USP48: variants seen among roughly 807,000 people sequenced by gnomAD.
The protein encoded by USP48 is ubiquitin carboxyl-terminal hydrolase 48.
Under a neutral mutation model 150.7 loss-of-function variants are expected in USP48, and 43 were observed. That is an observed-to-expected ratio of 0.29 (90% CI 0.22 to 0.37). USP48 has a LOEUF of 0.37. Among genes scored for constraint, USP48 ranks in the 10% least tolerant of loss-of-function variants. The pLI is 1.00. For missense variants in USP48, 813 were observed against 1,249.6 expected, an observed-to-expected ratio of 0.65 and a Z score of 5.27; for synonymous variants, 396 against 425.9, an observed-to-expected ratio of 0.93 and a Z score of 0.86.
chr1:21,705,270 T>C (rs1557455997), intron 19 of USP48, among the ~76,000 whole-genome samples: 1 of 152,206 alleles, frequency 6.6e-6, no homozygotes, highest in Non-Finnish European at 1.5e-5. Context: ...CTGGAAGTAC[T>C]TGAAGCATGG....
intron 1 of USP48, among the ~76,000 whole-genome samples, chr1:21,778,645 T>C (rs1205233911): frequency 6.9e-6 from 1 of 145,078 alleles, no homozygotes; most frequent in Non-Finnish European, 1.5e-5. Flanking sequence ...CCATGAACAG[T>C]TTCATTCATG....
chr1:21,698,961 T>C (rs2097646178), intron 22 of USP48, among the ~76,000 whole-genome samples: 2 of 152,062 alleles, frequency 1.3e-5, no homozygotes, highest in East Asian at 1.9e-4. Flanking sequence ...AACTAAAACA[T>C]ACGGTACTGC....
Position 21,706,839 on chromosome 1 carries a change from T to G in USP48, c.1993A>C (p.Arg665=), listed in dbSNP as rs1161509267. Residue 665 remains arginine (R), a synonymous_variant, in exon 16 of 27, where the codon AGG becomes CGG. Transcript: ENST00000308271. ...GELCISENER[R]LVSKEAWSKL... is the part of the protein sequence containing the mutation. ...CTCCAAGCCTCTTTAGAAACAAGCC[T>G]TCTTTCATTTTCAGATATGCATAAC... is the stretch of plus-strand genomic sequence containing the variant. 1 of 1,613,478 alleles carries G rather than the reference T, an allele frequency of 6.2e-7. No individual in the cohort carries two copies. Among genetic ancestry groups the G allele is most frequent in the African/African-American group, 1.3e-5 (1 of 74,820 alleles).
At chr1:21,725,274 A>G (rs1284646558) in intron 11 of USP48, among the ~76,000 whole-genome samples, 1 of 152,198 alleles carries the variant, frequency 6.6e-6, no homozygotes, top group Admixed American at 6.5e-5. Flanking sequence ...TGAACAAGTC[A>G]CTTAAACTTT....
rs1188899898 is a variant in USP48 at position 21,697,587 on chromosome 1, C to T, written c.2728-2366G>A. On this transcript the variant is annotated intron_variant, in intron 22 of 26. Transcript: ENST00000308271. ...CTGAGGCAGGAGAATGGCGTGAACC[C>T]GGGAGGCAGAGCTTGCAGTGAGCTG... 4.7e-5 allele frequency among the ~76,000 whole-genome samples: 7 copies of T among 150,034 alleles called. No individual in the cohort carries two copies. The South Asian group carries it at 6.3e-4, about 14-fold the overall frequency.
intron 1 of USP48, among the ~76,000 whole-genome samples, chr1:21,766,557 T>C (rs767427650): frequency 3.3e-5 from 5 of 152,188 alleles, no homozygotes; most frequent in Non-Finnish European, 7.4e-5. Flanking sequence ...GGAAAATTTA[T>C]AATCAAAGAT....
intron 8 of USP48, among the ~76,000 whole-genome samples, chr1:21,743,658 A>C (rs923597842): frequency 6.6e-6 from 1 of 152,192 alleles, no homozygotes; most frequent in Non-Finnish European, 1.5e-5. Flanking sequence ...AAGTGGTTAC[A>C]CTTAAGGGGA....
chr1:21,766,109 C>T (rs771079231), intron 1 of USP48, among the ~76,000 whole-genome samples: 2 of 151,956 alleles, frequency 1.3e-5, no homozygotes, highest in Non-Finnish European at 2.9e-5. Flanking sequence ...GGCTCACACC[C>T]GTAGTCCCAG....
chr1:21,768,795 G>A (rs942629851), intron 1 of USP48, among the ~76,000 whole-genome samples: 3 of 151,716 alleles, frequency 2.0e-5, no homozygotes, highest in Admixed American at 2.0e-4. Context: ...AAACAGTATC[G>A]TTTTGGTTTT....
At chr1:21,736,196 T>C (rs1293840048) in intron 9 of USP48, among the ~76,000 whole-genome samples, 1 of 152,132 alleles carries the variant, frequency 6.6e-6, no homozygotes, top group Non-Finnish European at 1.5e-5. Flanking sequence ...CACTTGAGCC[T>C]AGCAGGTTTA....
At chr1:21,715,120 A>G in intron 15 of USP48, 1 of 342,186 alleles carries the variant, frequency 2.9e-6, no homozygotes, top group Non-Finnish European at 5.4e-6. Flanking sequence ...AAGAAGAAAC[A>G]TACGAGCACT....
rs181335028 is a variant in USP48 at position 21,713,856 on chromosome 1, G to A, written c.1963+1533C>T. 2.0e-4 allele frequency among the ~76,000 whole-genome samples: 31 copies of A among 152,244 alleles called. No homozygotes were observed. The East Asian group carries it at 5.4e-3, about 27-fold the overall frequency. ...AAAAGACCAACCAGTAGACAGATAG[G>A]GTGATACGATGGAAAGAACAGAGGA... On this transcript the variant is annotated intron_variant, in intron 15 of 26. Transcript: ENST00000308271.
chr1:21,726,989 A>G (rs963648954), intron 11 of USP48, among the ~76,000 whole-genome samples: 2 of 152,170 alleles, frequency 1.3e-5, no homozygotes, highest in Non-Finnish European at 2.9e-5. Flanking sequence ...TTTGAACATG[A>G]CACATTTTCT....
At chr1:21,744,127 C>A (rs1199541169) in intron 8 of USP48, among the ~76,000 whole-genome samples, 1 of 152,120 alleles carries the variant, frequency 6.6e-6, no homozygotes, top group Non-Finnish European at 1.5e-5. Flanking sequence ...GATTTATATT[C>A]ATCAATTCAT....
intron 22 of USP48, 60 bp downstream of exon 22, chr1:21,701,438 A>C (rs1038734436): frequency 1.3e-5 from 18 of 1,430,024 alleles, no homozygotes; most frequent in Non-Finnish European, 1.6e-5. Flanking sequence ...AGGGGCTTCG[A>C]GTGGCTGCTC....
chr1:21,714,717 G>A (rs1452236578), intron 15 of USP48, among the ~76,000 whole-genome samples: 1 of 152,204 alleles, frequency 6.6e-6, no homozygotes, highest in Non-Finnish European at 1.5e-5. Flanking sequence ...CTACTTGTTA[G>A]AAGTAAGCAT....
chr1:21,680,249 G>A (rs999525990), intron 26 of USP48, among the ~76,000 whole-genome samples: 10 of 152,342 alleles, frequency 6.6e-5, no homozygotes, highest in Admixed American at 2.6e-4. Context: ...ATCCGAAAAC[G>A]TCAGAGGTCT....
intron 1 of USP48, among the ~76,000 whole-genome samples, chr1:21,760,950 G>A (rs772731540): frequency 9.9e-5 from 15 of 151,534 alleles, no homozygotes; most frequent in Non-Finnish European, 1.8e-4. Flanking sequence ...AAAATTAGCC[G>A]GGCATGGTGG....
intron 3 of USP48, among the ~76,000 whole-genome samples, chr1:21,756,266 A>G (rs1278070633): frequency 6.6e-6 from 1 of 151,874 alleles, no homozygotes; most frequent in Non-Finnish European, 1.5e-5. Flanking sequence ...ACATCACTTG[A>G]GGTCAGGAGT....
Sources: gnomAD v4.1 joint callset for allele counts (sites outside exome capture counted in the v4.1 genomes callset) on GRCh38, gnomAD v4.1.1 for gene constraint, MANE v1.5 for transcripts, NCBI Gene and HGNC (gene_info 2026-07-23, HGNC 2026-07-21) for gene names.